The following CNTN4 variants were observed in gnomAD, a reference collection of about 807,000 sequenced individuals.
CNTN4 encodes contactin-4.
A neutral mutation model predicts 122.5 loss-of-function variants in CNTN4; 77 were observed. That is an observed-to-expected ratio of 0.63 (90% CI 0.52 to 0.76). CNTN4 has a LOEUF of 0.76. Among genes scored for constraint, CNTN4 ranks in the 30% least tolerant of loss-of-function variants. The probability of loss-of-function intolerance (pLI) is 0.00; values close to 1 mark genes in which losing one functional copy is unlikely to be tolerated. For missense variants in CNTN4, 1,256 were observed against 1,259.1 expected (o/e 1.00, Z 0.04); for synonymous variants, 512 against 447.0 (o/e 1.15, Z -1.83).
At chr3:2,668,141 A>G (rs2084282015) in intron 4 of CNTN4, among the ~76,000 whole-genome samples, 1 of 152,142 alleles carries the variant, frequency 6.6e-6, no homozygotes, top group African/African-American at 2.4e-5. Context: ...AGTCATTGGT[A>G]GCTTGATGGG....
intron 6 of CNTN4, among the ~76,000 whole-genome samples, chr3:2,778,241 T>G (rs576624948): frequency 5.3e-4 from 71 of 134,208 alleles, no homozygotes; most frequent in Non-Finnish European, 9.6e-4. Context: ...AATAAATAAA[T>G]AAATAAATAA....
At position 2,407,142 on chromosome 3, in the gene CNTN4, A is replaced by G. The variant is rs1002739875; in HGVS notation, c.-89+67909A>G. On this transcript the variant is annotated intron_variant, in intron 3 of 24. Coordinates refer to ENST00000418658, the MANE Select transcript of CNTN4 (RefSeq NM_175607.3). ...TTTATACAACAGCGGACAAGGGAAA[A>G]TTTAGCTCGTGTTATTTTGAAAGTG... 4.6e-5 allele frequency among the ~76,000 whole-genome samples: 7 copies of G among 152,184 alleles called. No homozygotes were observed. In the East Asian group the frequency reaches 5.8e-4, roughly 13 times the overall value.
At chr3:2,717,220 G>A (rs62232727) in intron 4 of CNTN4, among the ~76,000 whole-genome samples, 20,875 of 152,018 alleles carry the variant, frequency 0.14, 1,935 homozygotes, top group East Asian at 0.38. Context: ...CTGGATTTCA[G>A]TAGGGTGCCC....
chr3:2,697,077 G>A (rs1454706452), intron 4 of CNTN4, among the ~76,000 whole-genome samples: 1 of 152,172 alleles, frequency 6.6e-6, no homozygotes, highest in Non-Finnish European at 1.5e-5. Flanking sequence ...CATGCATCCA[G>A]ACTTGTGTTA....
chr3:2,383,952 G>T (rs987981822), intron 3 of CNTN4, among the ~76,000 whole-genome samples: 1 of 152,068 alleles, frequency 6.6e-6, no homozygotes, highest in Non-Finnish European at 1.5e-5. Flanking sequence ...TTCTGTGTAT[G>T]TATATATCAC....
At chr3:2,182,614 GAA>G (rs2037066961) in intron 2 of CNTN4, among the ~76,000 whole-genome samples, 1 of 152,082 alleles carries the variant, frequency 6.6e-6, no homozygotes, top group South Asian at 2.1e-4. Flanking sequence ...TATATGTTAT[GAA>G]TTACCTGACT....
At chr3:2,286,802 G>T (rs1285949259) in intron 2 of CNTN4, among the ~76,000 whole-genome samples, 1 of 152,114 alleles carries the variant, frequency 6.6e-6, no homozygotes, top group East Asian at 1.9e-4. Flanking sequence ...TTGGGACATG[G>T]TTAATCATAG....
At chr3:2,597,466 A>T (rs930388421) in intron 4 of CNTN4, among the ~76,000 whole-genome samples, 3 of 152,152 alleles carry the variant, frequency 2.0e-5, no homozygotes, top group Non-Finnish European at 4.4e-5. Flanking sequence ...TAAAAATGCG[A>T]AAGTATTGTG....
chr3:2,490,014 C>G (rs1213086904), intron 3 of CNTN4, among the ~76,000 whole-genome samples: 2 of 150,928 alleles, frequency 1.3e-5, no homozygotes, highest in African/African-American at 4.9e-5. Context: ...CATATGAAGT[C>G]ATATATTATC....
At chr3:2,971,861 T>C (rs1692956394) in intron 13 of CNTN4, among the ~76,000 whole-genome samples, 1 of 152,314 alleles carries the variant, frequency 6.6e-6, no homozygotes, top group Non-Finnish European at 1.5e-5. Context: ...AGGTTGTAAA[T>C]AGCAGCAATG....
At chr3:2,465,737 T>C (rs2075474332) in intron 3 of CNTN4, among the ~76,000 whole-genome samples, 1 of 152,010 alleles carries the variant, frequency 6.6e-6, no homozygotes, top group Admixed American at 6.6e-5. Context: ...GCAAAGCAGG[T>C]GTTCAACTTG....
At chr3:2,574,549 C>T (rs2079573588) in intron 4 of CNTN4, among the ~76,000 whole-genome samples, 1 of 152,098 alleles carries the variant, frequency 6.6e-6, no homozygotes, top group Non-Finnish European at 1.5e-5. Context: ...GACTCAGTGT[C>T]TGGCAATAAT....
intron 12 of CNTN4, among the ~76,000 whole-genome samples, chr3:2,913,268 T>C (rs2094320610): frequency 6.6e-6 from 1 of 152,158 alleles, no homozygotes; most frequent in Non-Finnish European, 1.5e-5. Flanking sequence ...ACAAGATACA[T>C]AAAACAAATG....
At chr3:2,982,905 C>G (rs1694161642) in intron 13 of CNTN4, among the ~76,000 whole-genome samples, 1 of 150,596 alleles carries the variant, frequency 6.6e-6, no homozygotes, top group South Asian at 2.1e-4. Context: ...CAATAATTTT[C>G]ACATCACTAA....
rs1381611503 is a variant in CNTN4 at position 3,056,619 on chromosome 3, C to G, written c.*399C>G. ...ATGCAATTATAATTTGAAAATATTT[C>G]CTTTAAAGACAGAGTTTGAAACTCA... On this transcript the variant is annotated 3_prime_UTR_variant, in exon 25 of 25. Coordinates refer to ENST00000418658, the MANE Select transcript of CNTN4 (RefSeq NM_175607.3). 6.4e-6 allele frequency: 1 copy of G among 157,204 alleles called. No individual in the cohort carries two copies. The highest frequency in any genetic ancestry group is 1.4e-5 in the Non-Finnish European group (1 of 70,850). The allele number at this position is 157,204 out of a possible 1,614,324, so 9.7% of individuals were successfully genotyped here. A position where few individuals can be genotyped will look rare whatever the true frequency, so the allele number is the denominator to read the frequency against.
At chr3:2,120,199 A>G (rs1471720395) in intron 2 of CNTN4, among the ~76,000 whole-genome samples, 2 of 151,634 alleles carry the variant, frequency 1.3e-5, no homozygotes, top group African/African-American at 4.9e-5. Context: ...AAATAGAATC[A>G]TATAGGAGAA....
chr3:2,302,477 A>G (rs1444906946), intron 2 of CNTN4, among the ~76,000 whole-genome samples: 1 of 152,236 alleles, frequency 6.6e-6, no homozygotes, highest in South Asian at 2.1e-4. Context: ...TACGTTGGTT[A>G]TGTAATTTGA....
chr3:2,590,104 C>T (rs1318709208), intron 4 of CNTN4, among the ~76,000 whole-genome samples: 4 of 152,288 alleles, frequency 2.6e-5, no homozygotes, highest in Non-Finnish European at 4.4e-5. Context: ...GACAAACTGT[C>T]GTCAGTTCTT....
At chr3:2,170,104 A>G (rs13098685) in intron 2 of CNTN4, among the ~76,000 whole-genome samples, 48,182 of 149,678 alleles carry the variant, frequency 0.32, 9,244 homozygotes, top group Non-Finnish European at 0.46. Flanking sequence ...GGAGGATCAC[A>G]AGGTCAGGAG....
Sources: allele counts gnomAD v4.1 joint callset (sites outside exome capture counted in the v4.1 genomes callset), GRCh38; gene constraint gnomAD v4.1.1; transcripts MANE v1.5; gene names NCBI Gene and HGNC (gene_info 2026-07-23, HGNC 2026-07-21).